CBR3: variants seen among roughly 807,000 people sequenced by gnomAD.
CBR3 encodes the protein carbonyl reductase 3.
Under a neutral mutation model 11.6 loss-of-function variants are expected in CBR3, and 14 were observed. The observed-to-expected ratio is 1.20, with a 90% CI of 0.79 to 1.88. CBR3 has a LOEUF of 1.88. Among genes scored for constraint, CBR3 ranks in the 40% most tolerant of loss-of-function variants. CBR3 has a pLI of 0.00. For synonymous variants in CBR3, 125 were observed against 145.6 expected, an observed-to-expected ratio of 0.86 and a Z score of 1.02; for missense variants, 308 against 357.3, an observed-to-expected ratio of 0.86 and a Z score of 1.11.
chr21:36,143,925 A>G (rs2065734363), intron 2 of CBR3, among the ~76,000 whole-genome samples: 1 of 151,832 alleles, frequency 6.6e-6, no homozygotes, highest in African/African-American at 2.4e-5. Context: ...ACCAGGATGG[A>G]AAAACAGCCC....
At chr21:36,136,215 G>A (rs1197518142) in intron 1 of CBR3, among the ~76,000 whole-genome samples, 2 of 151,870 alleles carry the variant, frequency 1.3e-5, no homozygotes, top group African/African-American at 4.8e-5. Flanking sequence ...CACTTTGGGA[G>A]GCCGAGGCAG....
intron 2 of CBR3, 141 bp downstream of exon 2, chr21:36,138,073 T>G: frequency 1.6e-6 from 1 of 622,828 alleles, no homozygotes; most frequent in Non-Finnish European, 2.9e-6. Context: ...TGCTTCATTT[T>G]CCCACAGTGT....
intron 2 of CBR3, among the ~76,000 whole-genome samples, chr21:36,139,881 C>CTTTTTTTTTTTTT (rs10689993): frequency 2.2e-5 from 2 of 89,832 alleles, no homozygotes; most frequent in Admixed American, 1.6e-4. Flanking sequence ...GATGCAAAAC[C>CTTTTTTTTTTTTT]TTTTTTTTTT....
At chr21:36,143,284 C>T (rs2065728143) in intron 2 of CBR3, among the ~76,000 whole-genome samples, 1 of 151,012 alleles carries the variant, frequency 6.6e-6, no homozygotes, top group African/African-American at 2.4e-5. Flanking sequence ...GCCTGGACAA[C>T]AGAGCAAGAC....
chr21:36,142,749 AT>A (rs1455097327), intron 2 of CBR3, among the ~76,000 whole-genome samples: 1 of 152,212 alleles, frequency 6.6e-6, no homozygotes, highest in African/African-American at 2.4e-5. Flanking sequence ...AACTTAGGTG[AT>A]GGGCATAGGG....
In CBR3 at chr21:36,135,332, T is replaced by A. The variant is rs768484134; in HGVS notation, c.140T>A (p.Val47Glu). The A allele has an allele frequency of 6.2e-7, 1 of 1,612,096 alleles. No homozygotes were observed. Among genetic ancestry groups the A allele is most frequent in the Non-Finnish European group, 8.5e-7 (1 of 1,179,552 alleles). ...GACGTGGCGCGGGGCCAGGCGGCCG[T>A]GCAGCAGCTGCAGGCGGAGGGCCTG... ...ARDVARGQAA[V>E]QQLQAEGLSP... is the part of the protein sequence containing the mutation. Residue 47 changes from valine to glutamate, a missense_variant, in exon 1 of 3, where the codon GTG becomes GAG. Physicochemically the swap from Val to Glu is moderately radical, Grantham distance 121. Coordinates refer to ENST00000290354, the MANE Select transcript of CBR3 (RefSeq NM_001236.4).
intron 2 of CBR3, among the ~76,000 whole-genome samples, chr21:36,143,979 T>C (rs1199693316): frequency 6.6e-6 from 1 of 151,062 alleles, no homozygotes; most frequent in Non-Finnish European, 1.5e-5. Context: ...GACAGAGTCA[T>C]CCCCAGGGAT....
At chr21:36,141,840 A>G in intron 2 of CBR3, 1 of 755,844 alleles carries the variant, frequency 1.3e-6, no homozygotes, top group Non-Finnish European at 1.6e-6. Context: ...CCTCCCCTTA[A>G]GAGGATTTAT....
chr21:36,135,404 G>T lies in CBR3; in HGVS notation c.212G>T (p.Arg71Leu). 1 of 1,613,542 alleles carries T rather than the reference G, an allele frequency of 6.2e-7. No individual in the cohort carries two copies. The highest frequency in any genetic ancestry group is 8.5e-7 in the Non-Finnish European group (1 of 1,179,792). Reference sequence around the variant, plus strand: ...GACATCGACGACTTGCAGAGCATCCGCGCCCTGCGCGACTTCCTGCGCAAG... The same window carrying T: ...GACATCGACGACTTGCAGAGCATCCTCGCCCTGCGCGACTTCCTGCGCAAG... ...QLDIDDLQSIRALRDFLRKEY... is the reference protein window; with the variant it reads ...QLDIDDLQSILALRDFLRKEY... The change falls in exon 1 of 3, where the codon CGC (arginine) becomes CTC (leucine). Residue 71 changes from arginine (R) to leucine (L), a missense_variant. Transcript: ENST00000290354.
rs1288741054 is a variant in CBR3, at chr21:36,135,497, G to T, written c.289+16G>T. ...GCCTTCAAGAGTAGGTGCAGGGCTT[G>T]GGTTGGGGCCCCCTGGAGCGCTCCG... is the stretch of plus-strand genomic sequence containing the variant. On this transcript the variant is annotated intron_variant, in intron 1 of 2. Coordinates refer to ENST00000290354, the MANE Select transcript of CBR3 (RefSeq NM_001236.4). 3.1e-6 allele frequency: 5 copies of T among 1,593,674 alleles called. No homozygotes were observed. In the African/African-American group the frequency reaches 6.7e-5, roughly 21 times the overall value.
intron 2 of CBR3, among the ~76,000 whole-genome samples, chr21:36,139,732 G>T (rs114749397): frequency 6.6e-6 from 1 of 152,036 alleles, no homozygotes; most frequent in Non-Finnish European, 1.5e-5. Context: ...TATTGGCCGG[G>T]TGTGGTGGCT....
In CBR3 at chr21:36,135,452, T is replaced by G; in HGVS notation, c.260T>G (p.Leu87Arg). The change falls in exon 1 of 3, where the codon CTG (leucine) becomes CGG (arginine). Residue 87 changes from leucine to arginine, a missense_variant. By Grantham distance (102) the Leu-to-Arg change is moderately radical. Transcript: ENST00000290354. ...AAGGAGTACGGGGGGCTCAACGTAC[T>G]GGTCAACAACGCGGCCGTCGCCTTC... is the stretch of plus-strand genomic sequence containing the variant. ...LRKEYGGLNV[L>R]VNNAAVAFKS... The G allele has an allele frequency of 3.1e-6, 5 of 1,612,660 alleles. No individual in the cohort carries two copies. The highest frequency in any genetic ancestry group is 4.2e-6 in the Non-Finnish European group (5 of 1,179,124).
At chr21:36,143,624 A>G (rs1276892911) in intron 2 of CBR3, among the ~76,000 whole-genome samples, 1 of 152,154 alleles carries the variant, frequency 6.6e-6, no homozygotes, top group Non-Finnish European at 1.5e-5. Context: ...TCACGCCTAT[A>G]ATCCTAGCAC....
chr21:36,139,154 T>C (rs1224490250), intron 2 of CBR3, among the ~76,000 whole-genome samples: 2 of 152,150 alleles, frequency 1.3e-5, no homozygotes, highest in African/African-American at 4.8e-5. Flanking sequence ...ATTCCAGGCA[T>C]TATGCTGGGA....
rs45627634 is a variant in CBR3 at position 36,142,645 on chromosome 21, G to T, written c.398-3431G>T. Among the ~76,000 whole-genome samples, 264 of 152,144 alleles carry T rather than the reference G, an allele frequency of 1.7e-3. 1 individual carries two copies. The highest frequency in any genetic ancestry group is 6.1e-3 in the African/African-American group (253 of 41,506). ...CCTTGCTACCATATATAATACTAAAGTGTTTAAGATGAAGGTTTATGATAT... is the reference window on the plus strand; with the variant it reads ...CCTTGCTACCATATATAATACTAAATTGTTTAAGATGAAGGTTTATGATAT... On this transcript the variant is annotated intron_variant, in intron 2 of 2. Transcript: ENST00000290354.
chr21:36,139,618 G>A (rs994872430), intron 2 of CBR3, among the ~76,000 whole-genome samples: 1 of 152,054 alleles, frequency 6.6e-6, no homozygotes, highest in Admixed American at 6.6e-5. Flanking sequence ...CTGACCTCAA[G>A]TGATTCATCT....
chr21:36,137,500 AAGAAAGG>A (rs1235786297), intron 1 of CBR3: 71 of 169,290 alleles, frequency 4.2e-4, no homozygotes, highest in African/African-American at 2.1e-3. Flanking sequence ...AAAGAAAAGA[AAGAAAGG>A]AAGGAAGGAA....
chr21:36,145,987 A>C, intron 2 of CBR3, 89 bp from the exon 3 acceptor site: 4 of 752,212 alleles, frequency 5.3e-6, no homozygotes, highest in Non-Finnish European at 8.5e-6. Context: ...AAAAACCTGC[A>C]CCAAGACTCA....
chr21:36,142,240 C>A (rs562119058), intron 2 of CBR3, among the ~76,000 whole-genome samples: 1 of 151,838 alleles, frequency 6.6e-6, no homozygotes, highest in Admixed American at 6.6e-5. Flanking sequence ...AGACTATCCT[C>A]GCTAACACGG....
Sources: gnomAD v4.1 joint callset for allele counts (sites outside exome capture counted in the v4.1 genomes callset) on GRCh38, gnomAD v4.1.1 for gene constraint, MANE v1.5 for transcripts, NCBI Gene and HGNC (gene_info 2026-07-23, HGNC 2026-07-21) for gene names.